GUCY1A2: variants seen among roughly 807,000 people sequenced by gnomAD.
GUCY1A2 encodes guanylate cyclase 1 soluble subunit alpha 2.
Under a neutral mutation model 63.5 loss-of-function variants are expected in GUCY1A2, and 27 were observed. The observed-to-expected ratio is 0.43, with a 90% confidence interval of 0.31 to 0.59. The LOEUF (loss-of-function observed/expected upper bound fraction) is 0.59. Among genes scored for constraint, GUCY1A2 ranks in the 20% least tolerant of loss-of-function variants. The pLI is 0.11. For missense variants in GUCY1A2, 768 were observed against 913.3 expected (o/e 0.84, Z 2.05); for synonymous variants, 364 against 343.5 (o/e 1.06, Z -0.66).
chr11:106,848,048 T>G (rs958916505), intron 4 of GUCY1A2, among the ~76,000 whole-genome samples: 1 of 151,604 alleles, frequency 6.6e-6, no homozygotes, highest in Non-Finnish European at 1.5e-5. Flanking sequence ...TTCAGATCTG[T>G]GGGCCCAATG....
At chr11:106,736,905 A>C (rs558253921) in intron 6 of GUCY1A2, among the ~76,000 whole-genome samples, 1 of 152,116 alleles carries the variant, frequency 6.6e-6, no homozygotes, top group South Asian at 2.1e-4. Flanking sequence ...TCTGATGATC[A>C]GGTGCTACCA....
intron 2 of GUCY1A2, among the ~76,000 whole-genome samples, chr11:106,984,532 C>T (rs1322558409): frequency 2.0e-5 from 3 of 152,046 alleles, no homozygotes; most frequent in Non-Finnish European, 4.4e-5. Context: ...CTCCAATTTG[C>T]CTTGAAGGTA....
Position 106,981,441 on chromosome 11 carries a change from C to T in GUCY1A2, c.366-2701G>A, listed in dbSNP as rs12222106. Among the ~76,000 whole-genome samples, 49 of 149,744 alleles carry T rather than the reference C, an allele frequency of 3.3e-4. No homozygotes were observed. The East Asian group carries it at 8.9e-3, about 27-fold the overall frequency. On this transcript the variant is annotated intron_variant, in intron 2 of 7. Coordinates refer to ENST00000526355, the MANE Select transcript of GUCY1A2 (RefSeq NM_000855.3). ...GACTAATATGAGTTTGGCAACAGTC[C>T]TATCCATGATATTAACACAGCAATG...
intron 6 of GUCY1A2, among the ~76,000 whole-genome samples, chr11:106,710,080 TATATATA>T (rs1353251855): frequency 8.8e-6 from 1 of 113,890 alleles, no homozygotes; most frequent in East Asian, 2.7e-4. Flanking sequence ...AATATATAGT[TATATATA>T]ATATATAGTT....
At chr11:106,956,726 G>T (rs867813505) in intron 3 of GUCY1A2, among the ~76,000 whole-genome samples, 3 of 152,178 alleles carry the variant, frequency 2.0e-5, no homozygotes, top group African/African-American at 4.8e-5. Flanking sequence ...TGTATAGGGT[G>T]TCTGACAACC....
intron 6 of GUCY1A2, among the ~76,000 whole-genome samples, chr11:106,718,068 A>G (rs916518482): frequency 2.0e-5 from 3 of 152,180 alleles, no homozygotes; most frequent in African/African-American, 7.2e-5. Context: ...CTCAGCCTCC[A>G]GTCTGATGGT....
At chr11:106,691,420 A>G (rs1862622728) in intron 7 of GUCY1A2, among the ~76,000 whole-genome samples, 1 of 152,160 alleles carries the variant, frequency 6.6e-6, no homozygotes, top group Admixed American at 6.6e-5. Flanking sequence ...ATAATCAACA[A>G]TTAGGACTGC....
At chr11:106,719,471 A>C (rs1863276165) in intron 6 of GUCY1A2, among the ~76,000 whole-genome samples, 1 of 152,210 alleles carries the variant, frequency 6.6e-6, no homozygotes, top group Non-Finnish European at 1.5e-5. Flanking sequence ...ACTCAGAGAA[A>C]AAACAATGCA....
chr11:106,919,874 A>G (rs1331309775), intron 4 of GUCY1A2, among the ~76,000 whole-genome samples: 5 of 152,140 alleles, frequency 3.3e-5, no homozygotes. Flanking sequence ...CATGGAGTTT[A>G]TCTACCAAAA....
At chr11:106,941,625 G>A (rs1434259551) in intron 3 of GUCY1A2, among the ~76,000 whole-genome samples, 1 of 152,250 alleles carries the variant, frequency 6.6e-6, no homozygotes, top group Non-Finnish European at 1.5e-5. Flanking sequence ...AATCTAGGCT[G>A]TCTACAGCTT....
At chr11:106,892,662 T>C (rs1173177540) in intron 4 of GUCY1A2, among the ~76,000 whole-genome samples, 4 of 152,118 alleles carry the variant, frequency 2.6e-5, no homozygotes, top group Non-Finnish European at 5.9e-5. Context: ...TTGTGTATCG[T>C]TTTTCCTGAT....
At chr11:106,827,147 CT>C in intron 4 of GUCY1A2, 1 of 1,486,986 alleles carries the variant, frequency 6.7e-7, no homozygotes, top group Non-Finnish European at 9.4e-7. Context: ...TGAGAAAACT[CT>C]TTTGTTCCTT....
intron 5 of GUCY1A2, among the ~76,000 whole-genome samples, chr11:106,809,090 A>G (rs1308200746): frequency 4.6e-5 from 7 of 152,134 alleles, no homozygotes; most frequent in Non-Finnish European, 8.8e-5. Flanking sequence ...GGATGATAAT[A>G]TAAAATTTAC....
chr11:107,008,770 A>G (rs1388906037), intron 1 of GUCY1A2, among the ~76,000 whole-genome samples: 1 of 152,230 alleles, frequency 6.6e-6, no homozygotes, highest in Non-Finnish European at 1.5e-5. Context: ...GGAGTGACAG[A>G]AATCACGATA....
intron 2 of GUCY1A2, among the ~76,000 whole-genome samples, chr11:106,984,913 T>C (rs1273697889): frequency 6.6e-6 from 1 of 152,134 alleles, no homozygotes; most frequent in African/African-American, 2.4e-5. Context: ...AATATGTTTT[T>C]CCTAGAACTA....
chr11:106,959,197 A>G (rs1026932722), intron 3 of GUCY1A2, among the ~76,000 whole-genome samples: 14 of 152,226 alleles, frequency 9.2e-5, no homozygotes, highest in Admixed American at 9.2e-4. Context: ...GGAAAGGCTG[A>G]GACCTGAAAG....
At chr11:106,859,264 G>A (rs140341116) in intron 4 of GUCY1A2, among the ~76,000 whole-genome samples, 1 of 151,674 alleles carries the variant, frequency 6.6e-6, no homozygotes, top group East Asian at 1.9e-4. Flanking sequence ...CCTGTGTTAA[G>A]GCTTGGTATT....
intron 3 of GUCY1A2, among the ~76,000 whole-genome samples, chr11:106,949,171 G>A (rs188209208): frequency 2.0e-4 from 30 of 152,072 alleles, no homozygotes; most frequent in East Asian, 3.9e-4. Context: ...CCACTACTTT[G>A]TTTTAGGCCA....
At chr11:106,754,022 T>C (rs535999638) in intron 6 of GUCY1A2, among the ~76,000 whole-genome samples, 2 of 152,330 alleles carry the variant, frequency 1.3e-5, no homozygotes, top group East Asian at 3.9e-4. Flanking sequence ...GTGTCCTCTT[T>C]TATTTCATTG....
Sources: gnomAD v4.1 joint callset for allele counts (sites outside exome capture counted in the v4.1 genomes callset) on GRCh38, gnomAD v4.1.1 for gene constraint, MANE v1.5 for transcripts, NCBI Gene and HGNC (gene_info 2026-07-23, HGNC 2026-07-21) for gene names.